Variants in CPLANE2 observed in about 807,000 individuals in gnomAD.
CPLANE2 encodes the protein ciliogenesis and planar polarity effector 2.
Under a neutral mutation model 20.9 loss-of-function variants are expected in CPLANE2, and 24 were observed. The observed-to-expected ratio is 1.15, with a 90% confidence interval of 0.83 to 1.61. CPLANE2 has a LOEUF of 1.61. CPLANE2 is among the 40% of genes most tolerant of loss of function. CPLANE2 has a pLI of 0.00. For synonymous variants in CPLANE2, 132 were observed against 144.3 expected (o/e 0.92, Z 0.61); for missense variants, 330 against 355.1 (o/e 0.93, Z 0.57).
chr1:16,233,846 A>G, intron 1 of CPLANE2, 82 bp from the exon 2 acceptor site: 1 of 1,487,540 alleles, frequency 6.7e-7, no homozygotes, highest in Non-Finnish European at 9.3e-7. Flanking sequence ...TTGGAAACTT[A>G]ATCGCCAATG....
chr1:16,235,693 T>G (rs1466594372), intron 1 of CPLANE2, among the ~76,000 whole-genome samples: 7 of 150,958 alleles, frequency 4.6e-5, no homozygotes, highest in Admixed American at 2.0e-4. Flanking sequence ...TTTTTTTTTT[T>G]TTTTGAGACG....
In CPLANE2 at chr1:16,232,824, A is replaced by G. The variant is rs537482967; in HGVS notation, c.390+69T>C. 7.7e-5 allele frequency: 122 copies of G among 1,592,994 alleles called. No individual in the cohort carries two copies. In the African/African-American group the frequency reaches 1.5e-3, roughly 19 times the overall value. On this transcript the variant is annotated intron_variant, in intron 3 of 4. Transcript: ENST00000375599. ...CCAGTGCCAGCTCAGGTCTCTGAGC[A>G]GTGCCTTGAGCTCATTAATACCCAA...
chr1:16,236,473 C>A (rs6603850), intron 1 of CPLANE2, among the ~76,000 whole-genome samples, 158 bp downstream of exon 1: 105,099 of 152,102 alleles, frequency 0.69, 36,633 homozygotes, highest in East Asian at 0.86. Context: ...GGTCCCAGAG[C>A]TAGGGCTTTC....
At chr1:16,234,171 G>A (rs564515091) in intron 1 of CPLANE2, among the ~76,000 whole-genome samples, 15 of 152,164 alleles carry the variant, frequency 9.9e-5, no homozygotes, top group Non-Finnish European at 1.3e-4. Flanking sequence ...AGGCCAAGGC[G>A]GGCAGATCAC....
rs2081435746 is a variant in CPLANE2, at chr1:16,233,011, T to C, written c.272A>G (p.Gln91Arg). 1.2e-6 allele frequency: 2 copies of C among 1,613,916 alleles called. No homozygotes were observed. The highest frequency in any genetic ancestry group is 2.7e-5 in the African/African-American group (2 of 74,880). Reference protein sequence around the residue: ...PVVHHETTGIQTTVVFWPAKL... With the variant: ...PVVHHETTGIRTTVVFWPAKL... Reference sequence around the variant, plus strand: ...GGCTGGCCAAAATACCACGGTGGTCTGGATGCCTGAGGGGGAGCCAGGGTC... The same window carrying C: ...GGCTGGCCAAAATACCACGGTGGTCCGGATGCCTGAGGGGGAGCCAGGGTC... Residue 91 changes from glutamine to arginine, a missense_variant, in exon 3 of 5, where the codon CAG becomes CGG. Transcript: ENST00000375599.
intron 2 of CPLANE2, 145 bp from the exon 3 acceptor site, chr1:16,233,162 G>C (rs1326189051): frequency 1.1e-6 from 1 of 920,240 alleles, no homozygotes; most frequent in African/African-American, 1.7e-5. Flanking sequence ...CTTGACCCGG[G>C]ATAATTCTCA....
intron 1 of CPLANE2, 86 bp from the exon 2 acceptor site, chr1:16,233,850 G>A (rs766139456): frequency 6.0e-5 from 87 of 1,454,208 alleles, no homozygotes; most frequent in South Asian, 4.9e-5. Context: ...AAACTTAATC[G>A]CCAATGCACC....
chr1:16,235,192 C>T (rs2081455295), intron 1 of CPLANE2, among the ~76,000 whole-genome samples: 1 of 152,052 alleles, frequency 6.6e-6, no homozygotes, highest in Admixed American at 6.6e-5. Flanking sequence ...TGCATAAACC[C>T]AGCTGTTAAA....
At chr1:16,232,445 C>T (rs1285262490) in intron 4 of CPLANE2, 65 bp downstream of exon 4, 7 of 1,587,642 alleles carry the variant, frequency 4.4e-6, no homozygotes, top group South Asian at 1.1e-5. Context: ...GAATTCCATG[C>T]CTGGGCAGAG....
rs374649018 is a variant in CPLANE2 at position 16,233,681 on chromosome 1, C to T, written c.196G>A (p.Val66Met). ...YKIFVSGKSG[V>M]GKTALVAKLA... ...TTGGCCACCAGCGCCGTCTTGCCCA[C>T]ACCACTCTTCCCGGACACAAAGATC... The change falls in exon 2 of 5, where the codon GTG (valine) becomes ATG (methionine). Residue 66 changes from valine (V) to methionine (M), a missense_variant. Physicochemically the swap from Val to Met is conservative, Grantham distance 21. Transcript: ENST00000375599. 7.4e-6 allele frequency: 12 copies of T among 1,614,096 alleles called. No individual in the cohort carries two copies. The highest frequency in any genetic ancestry group is 6.7e-5 in the Admixed American group (4 of 60,014).
Position 16,232,268 on chromosome 1 carries a change from G to T in CPLANE2, c.557C>A (p.Pro186His). 6.2e-7 allele frequency: 1 copy of T among 1,609,346 alleles called. No homozygotes were observed. Among genetic ancestry groups the T allele is most frequent in the Non-Finnish European group, 8.5e-7 (1 of 1,179,302 alleles). Reference sequence around the variant, plus strand: ...CCGGAAGGCTGTGAGGTCCCGCTCGGGCACGTCCGTGTGCATGTACTGGTC... The same window carrying T: ...CCGGAAGGCTGTGAGGTCCCGCTCGTGCACGTCCGTGTGCATGTACTGGTC... ...KFDQYMHTDV[P>H]ERDLTAFRQA... The change falls in exon 5 of 5, where the codon CCC (proline) becomes CAC (histidine). Residue 186 changes from proline (P) to histidine (H), a missense_variant. Coordinates refer to ENST00000375599, the MANE Select transcript of CPLANE2 (RefSeq NM_030907.4).
In CPLANE2 at chr1:16,232,196, C is replaced by T. The variant is rs759019748; in HGVS notation, c.629G>A (p.Arg210Gln). 9.3e-6 allele frequency: 15 copies of T among 1,612,690 alleles called. No homozygotes were observed. The highest frequency in any genetic ancestry group is 5.3e-5 in the African/African-American group (4 of 74,934). ...PLLRVKSVPG[R>Q]RLADGRTLDG... ...CAGTGTGCGCCCATCAGCCAGCCGC[C>T]GCCCCGGCACACTCTTCACCCGTAG... Residue 210 changes from arginine to glutamine, a missense_variant, in exon 5 of 5, where the codon CGG (arginine) becomes CAG (glutamine). By Grantham distance (43) the Arg-to-Gln change is conservative (BLOSUM62 1). Transcript: ENST00000375599.
rs373665028 is a variant in CPLANE2, at chr1:16,232,164, G to A, written c.661C>T (p.Arg221Trp). 8.7e-5 allele frequency: 141 copies of A among 1,613,176 alleles called. No homozygotes were observed. Among genetic ancestry groups the A allele is most frequent in the Non-Finnish European group, 1.1e-4 (131 of 1,179,938 alleles). Residue 221 changes from arginine to tryptophan, a missense_variant, in exon 5 of 5, where the codon CGG becomes TGG. Arg to Trp is a moderately radical substitution (Grantham distance 101). Coordinates refer to ENST00000375599, the MANE Select transcript of CPLANE2 (RefSeq NM_030907.4). Reference protein sequence around the residue: ...RLADGRTLDGRAGLADVAHIL... With the variant: ...RLADGRTLDGWAGLADVAHIL... ...TGGGCAACGTCGGCCAGCCCAGCCC[G>A]CCCGTCCAGTGTGCGCCCATCAGCC...
In CPLANE2 at chr1:16,233,677, C is replaced by A. The variant is rs1051751058; in HGVS notation, c.200G>T (p.Gly67Val). The change falls in exon 2 of 5, where the codon GGC becomes GTC. Residue 67 changes from glycine (G) to valine (V), a missense_variant. Coordinates refer to ENST00000375599, the MANE Select transcript of CPLANE2 (RefSeq NM_030907.4). ...CAGCTTGGCCACCAGCGCCGTCTTG[C>A]CCACACCACTCTTCCCGGACACAAA... ...KIFVSGKSGV[G>V]KTALVAKLAG... The A allele has an allele frequency of 1.9e-6, 3 of 1,614,076 alleles. No homozygotes were observed. The highest frequency in any genetic ancestry group is 1.3e-5 in the African/African-American group (1 of 74,946).
In CPLANE2 at chr1:16,237,009, T is replaced by TA. The variant is rs2081470828; in HGVS notation, c.-268dup. The TA allele has an allele frequency of 8.1e-6, 3 of 368,232 alleles. No individual in the cohort carries two copies. The South Asian group carries it at 1.1e-4, about 13-fold the overall frequency. 22.8% of individuals were successfully genotyped at this position (368,232 alleles called of 1,614,324 possible). ...GGGTCAGACAGCCCCGCTTCTCCTCTACCTTCTAGATCCCGACTCCCAGGG... is the reference window on the plus strand; with the variant it reads ...GGGTCAGACAGCCCCGCTTCTCCTCTAACCTTCTAGATCCCGACTCCCAGGG... On this transcript the variant is annotated 5_prime_UTR_variant, in exon 1 of 5. Coordinates refer to ENST00000375599, the MANE Select transcript of CPLANE2 (RefSeq NM_030907.4).
At chr1:16,235,741 C>T (rs2081460138) in intron 1 of CPLANE2, among the ~76,000 whole-genome samples, 1 of 142,744 alleles carries the variant, frequency 7.0e-6, no homozygotes, top group Admixed American at 7.3e-5. Context: ...AATGCAATGG[C>T]TCGATCTAGG....
At position 16,232,003 on chromosome 1, in the gene CPLANE2, G is replaced by A. The variant is rs755740011; in HGVS notation, c.*45C>T. ...CTGCCCCAGCCTCCAGCCCTATGTC[G>A]AGACCTGAGGGTTGGGGGTGGGATC... is the stretch of plus-strand genomic sequence containing the variant. On this transcript the variant is annotated 3_prime_UTR_variant, in exon 5 of 5. Coordinates refer to ENST00000375599, the MANE Select transcript of CPLANE2 (RefSeq NM_030907.4). The A allele has an allele frequency of 1.3e-5, 21 of 1,586,972 alleles. No homozygotes were observed. The highest frequency in any genetic ancestry group is 3.4e-5 in the South Asian group (3 of 88,278).
rs749270176 is a variant in CPLANE2 at position 16,232,073 on chromosome 1, T to C, written c.752A>G (p.Asn251Ser). Residue 251 changes from asparagine to serine, a missense_variant, in exon 5 of 5, where the codon AAC becomes AGC. Physicochemically the swap from Asn to Ser is conservative, Grantham distance 46 (BLOSUM62 1). Transcript: ENST00000375599. ...QDQVAAGLLP[N>S]PPESAPE Reference sequence around the variant, plus strand: ...TCATTCAGGAGCACTCTCTGGGGGGTTGGGAAGCAGGCCAGCCGCCACCTG... The same window carrying C: ...TCATTCAGGAGCACTCTCTGGGGGGCTGGGAAGCAGGCCAGCCGCCACCTG... 18 of 1,612,390 alleles carry C rather than the reference T, an allele frequency of 1.1e-5. No homozygotes were observed. In the African/African-American group the frequency reaches 1.9e-4, roughly 17 times the overall value.
Position 16,231,813 on chromosome 1 carries a change from G to T in CPLANE2, c.*235C>A, listed in dbSNP as rs2081421121. On this transcript the variant is annotated 3_prime_UTR_variant, in exon 5 of 5. Transcript: ENST00000375599. ...CTCCCAGTCATCCTCCATCGGTGCT[G>T]CCAAAGGGGGAAAGGCCACGGGAGA... 2 of 593,226 alleles carry T rather than the reference G, an allele frequency of 3.4e-6. No homozygotes were observed. The highest frequency in any genetic ancestry group is 3.7e-5 in the African/African-American group (2 of 53,852). 36.7% of individuals were successfully genotyped at this position (593,226 alleles called of 1,614,324 possible). A position where few individuals can be genotyped will look rare whatever the true frequency, so the allele number is the denominator to read the frequency against.
Sources: gnomAD v4.1 joint callset for allele counts (sites outside exome capture counted in the v4.1 genomes callset) on GRCh38, gnomAD v4.1.1 for gene constraint, MANE v1.5 for transcripts, NCBI Gene and HGNC (gene_info 2026-07-23, HGNC 2026-07-21) for gene names.